CAMKK2: variants seen among roughly 807,000 people sequenced by gnomAD.
CAMKK2 encodes the protein calcium/calmodulin dependent protein kinase kinase 2.
In CAMKK2, 30 loss-of-function variants were observed where a neutral mutation model predicts 67.2. That is an observed-to-expected ratio of 0.45 (90% confidence interval 0.33 to 0.61). CAMKK2 has a LOEUF of 0.61. Among genes scored for constraint, CAMKK2 ranks in the 20% least tolerant of loss-of-function variants. CAMKK2 has a pLI of 0.02. For missense variants in CAMKK2, 643 were observed against 802.0 expected, an observed-to-expected ratio of 0.80 and a Z score of 2.39; for synonymous variants, 322 against 326.2, an observed-to-expected ratio of 0.99 and a Z score of 0.14.
chr12:121,282,175 C>T (rs1320075655), intron 1 of CAMKK2, among the ~76,000 whole-genome samples: 1 of 152,052 alleles, frequency 6.6e-6, no homozygotes, highest in Non-Finnish European at 1.5e-5. Context: ...TGAGAAGGCC[C>T]TCTGTGGAAA....
At position 121,245,471 on chromosome 12, in the gene CAMKK2, G is replaced by A. The variant is rs762312129; in HGVS notation, c.1453-231C>T. Among the ~76,000 whole-genome samples, 3 of 152,288 alleles carry A rather than the reference G, an allele frequency of 2.0e-5. No homozygotes were observed. The highest frequency in any genetic ancestry group is 1.5e-5 in the Non-Finnish European group (1 of 68,030). On this transcript the variant is annotated intron_variant, in intron 14 of 16. Transcript: ENST00000404169. The surrounding 1 kb of genome is among the most constrained non-coding windows in gnomAD (Gnocchi z 5.8). ...ACCACACCCTCAGCCACTGCTCAGC[G>A]TCTCTCCCAGGCCTCCCTGCTTTCC...
intron 1 of CAMKK2, among the ~76,000 whole-genome samples, chr12:121,283,837 A>G (rs1358495784): frequency 6.6e-6 from 1 of 152,024 alleles, no homozygotes; most frequent in African/African-American, 2.4e-5. Flanking sequence ...TAAATAAATA[A>G]ATAACCATTT....
chr12:121,295,685 A>T (rs1214557199), intron 1 of CAMKK2, among the ~76,000 whole-genome samples: 1 of 152,158 alleles, frequency 6.6e-6, no homozygotes, highest in Admixed American at 6.5e-5. Flanking sequence ...TGGACGCTGC[A>T]GGTCCCATCC....
intron 1 of CAMKK2, among the ~76,000 whole-genome samples, chr12:121,274,805 C>CTTT (rs140150523): frequency 6.0e-5 from 8 of 132,912 alleles, no homozygotes; most frequent in Non-Finnish European, 9.4e-5. Context: ...CTTTTTTTTT[C>CTTT]TTTTTTTTTT....
intron 3 of CAMKK2, among the ~76,000 whole-genome samples, chr12:121,270,173 C>T (rs1236723837): frequency 6.6e-6 from 1 of 152,068 alleles, no homozygotes; most frequent in African/African-American, 2.4e-5. Context: ...GGTTTGAGAA[C>T]AGCCTGGGCA....
chr12:121,249,787 C>T lies in CAMKK2; in HGVS notation c.1323G>A (p.Lys441=). The change falls in exon 13 of 17, where the codon AAG becomes AAA. Residue 441 remains lysine (K), a splice_region_variant and synonymous_variant. Coordinates refer to ENST00000404169, the MANE Select transcript of CAMKK2 (RefSeq NM_001270485.2). ...PESRIVVPEI[K]LHPWVTRHGA... The stretch of plus-strand genomic sequence containing the variant: ...GGGGCACAGGCTGAGCCAAGGGTAC[C>T]TTGATTTCCGGCACCACGATCCTCG... The T allele has an allele frequency of 6.2e-7, 1 of 1,613,910 alleles. No individual in the cohort carries two copies. The highest frequency in any genetic ancestry group is 1.3e-5 in the African/African-American group (1 of 74,988).
rs768616526 is a variant in CAMKK2 at position 121,248,706 on chromosome 12, G to A, written c.1352C>T (p.Ala451Val). Reference sequence around the variant, plus strand: ...CTCATCCTCCGACGGCAACGGCTCCGCCCCATGCCTCGTGACCCAGGGGTG... The same window carrying A: ...CTCATCCTCCGACGGCAACGGCTCCACCCCATGCCTCGTGACCCAGGGGTG... ...KLHPWVTRHG[A>V]EPLPSEDENC... is the part of the protein sequence containing the mutation. The change falls in exon 14 of 17, where the codon GCG becomes GTG. Residue 451 changes from alanine (A) to valine (V), a missense_variant. By Grantham distance (64) the Ala-to-Val change is moderately conservative. Transcript: ENST00000404169. 1.3e-5 allele frequency: 21 copies of A among 1,614,006 alleles called. No individual in the cohort carries two copies. The highest frequency in any genetic ancestry group is 6.7e-5 in the African/African-American group (5 of 74,936).
chr12:121,293,306 A>C (rs1364528581), intron 1 of CAMKK2, among the ~76,000 whole-genome samples: 1 of 152,124 alleles, frequency 6.6e-6, no homozygotes, highest in Non-Finnish European at 1.5e-5. Flanking sequence ...AAAGCAAAGC[A>C]ATAAGCAATA....
chr12:121,268,759 G>A (rs1018145742), intron 4 of CAMKK2, 70 bp from the exon 5 acceptor site: 36 of 1,470,484 alleles, frequency 2.4e-5, no homozygotes, highest in Non-Finnish European at 3.1e-5. Flanking sequence ...GGGGAAGGAG[G>A]GCGCAGTCGG....
At chr12:121,295,781 C>T (rs1204399189) in intron 1 of CAMKK2, among the ~76,000 whole-genome samples, 1 of 152,188 alleles carries the variant, frequency 6.6e-6, no homozygotes, top group Non-Finnish European at 1.5e-5. Flanking sequence ...AGGGGCTGAG[C>T]TGCATCCTGT....
intron 11 of CAMKK2, among the ~76,000 whole-genome samples, chr12:121,251,002 G>A (rs1489369087): frequency 1.3e-5 from 2 of 152,182 alleles, no homozygotes; most frequent in East Asian, 1.9e-4. Context: ...GTGACAAATC[G>A]ATGCTTTCAC....
At chr12:121,248,552 C>T in intron 14 of CAMKK2, 54 bp downstream of exon 14, 1 of 1,609,486 alleles carries the variant, frequency 6.2e-7, no homozygotes, top group Middle Eastern at 1.7e-4. Flanking sequence ...CCTGGCCAGG[C>T]CCCACCTCAG....
upstream of CAMKK2, among the ~76,000 whole-genome samples, chr12:121,296,916 G>A (rs1260605457): frequency 1.3e-5 from 2 of 151,558 alleles, no homozygotes; most frequent in African/African-American, 2.4e-5. This position sits in a 1 kb window ranked among gnomAD's most constrained non-coding sequence, Gnocchi z 7.1. Flanking sequence ...CTGCGCCGGG[G>A]AGGGGTGGGG....
intron 1 of CAMKK2, among the ~76,000 whole-genome samples, chr12:121,282,668 C>A (rs1037680696): frequency 2.6e-5 from 4 of 152,176 alleles, no homozygotes; most frequent in African/African-American, 7.2e-5. Context: ...CCCCTCGGAG[C>A]CTTCAGAAGG....
At chr12:121,261,181 G>C (rs1893379212) in intron 6 of CAMKK2, among the ~76,000 whole-genome samples, 1 of 151,928 alleles carries the variant, frequency 6.6e-6, no homozygotes, top group Non-Finnish European at 1.5e-5. Flanking sequence ...TCCTGTACAG[G>C]GCACGGCATA....
At chr12:121,255,312 AATTT>A (rs1891894543) in intron 9 of CAMKK2, among the ~76,000 whole-genome samples, 1 of 50,000 alleles carries the variant, frequency 2.0e-5, no homozygotes, top group East Asian at 4.4e-4. Context: ...TTTTATATAT[AATTT>A]TATATATATA....
chr12:121,275,154 T>G (rs1896564939), intron 1 of CAMKK2, among the ~76,000 whole-genome samples: 1 of 152,078 alleles, frequency 6.6e-6, no homozygotes, highest in African/African-American at 2.4e-5. Flanking sequence ...TTAATAAGTT[T>G]GCCTGACTTT....
In CAMKK2 at chr12:121,270,815, T is replaced by A. The variant is rs73405722; in HGVS notation, c.519+83A>T. The A allele has an allele frequency of 4.6e-6, 5 of 1,098,490 alleles. No individual in the cohort carries two copies. In the African/African-American group the frequency reaches 7.8e-5, roughly 17 times the overall value. The allele number at this position is 1,098,490 out of a possible 1,614,324, so 68.0% of individuals were successfully genotyped here. On this transcript the variant is annotated intron_variant, in intron 3 of 16. Transcript: ENST00000404169. ...TCGCCTTCAAAGACTCCTCTCCTGC[T>A]CCCAGCTTTACCCCGTTCCCTCCAC...
At chr12:121,244,775 A>G (rs1419735074) in intron 15 of CAMKK2, among the ~76,000 whole-genome samples, 160 bp from the exon 16 acceptor site, 1 of 152,228 alleles carries the variant, frequency 6.6e-6, no homozygotes, top group East Asian at 1.9e-4. Flanking sequence ...ACCTCTCTGC[A>G]TGGACACACA....
Sources: allele counts gnomAD v4.1 joint callset (sites outside exome capture counted in the v4.1 genomes callset), GRCh38; gene constraint gnomAD v4.1.1; non-coding constraint Gnocchi (gnomAD v3.1); transcripts MANE v1.5; gene names NCBI Gene and HGNC (gene_info 2026-07-23, HGNC 2026-07-21).